Variants in SGCE observed in about 807,000 individuals in gnomAD.
SGCE encodes sarcoglycan epsilon, also known as epsilon-sarcoglycan.
Under a neutral mutation model 57.8 loss-of-function variants are expected in SGCE, and 26 were observed. That is an observed-to-expected ratio of 0.45 (90% CI 0.33 to 0.62). SGCE has a LOEUF of 0.62. SGCE is among the 20% of genes least tolerant of loss of function. The pLI, the probability that SGCE is intolerant of heterozygous loss-of-function variation, is 0.02. For missense variants in SGCE, 468 were observed against 548.6 expected, an observed-to-expected ratio of 0.85 and a Z score of 1.47; for synonymous variants, 183 against 189.5, an observed-to-expected ratio of 0.97 and a Z score of 0.28.
intron 9 of SGCE, among the ~76,000 whole-genome samples, chr7:94,595,093 T>C (rs1420595385): frequency 6.6e-6 from 1 of 152,284 alleles, no homozygotes; most frequent in East Asian, 1.9e-4. Flanking sequence ...AATTTAACTT[T>C]GTCTCTTATC....
chr7:94,648,053 G>A lies in SGCE; in HGVS notation c.109+7937C>T, dbSNP rs544083340. On this transcript the variant is annotated intron_variant, in intron 1 of 10. Transcript: ENST00000648936. Reference sequence around the variant, plus strand: ...CATCCAGCATGGGGTCTCAAAACTAGTCAACACTCAAAAAAATGAATGAAT... The same window carrying A: ...CATCCAGCATGGGGTCTCAAAACTAATCAACACTCAAAAAAATGAATGAAT... Among the ~76,000 whole-genome samples, 7 of 152,094 alleles carry A rather than the reference G, an allele frequency of 4.6e-5. No homozygotes were observed. The East Asian group carries it at 1.2e-3, about 25-fold the overall frequency.
intron 3 of SGCE, chr7:94,626,994 T>G (rs964306641): frequency 5.3e-5 from 8 of 152,082 alleles, no homozygotes; most frequent in Non-Finnish European, 1.2e-4. Flanking sequence ...GAATTGCATT[T>G]ATATATTTCT....
At chr7:94,609,530 T>TA (rs1378553041) in intron 5 of SGCE, among the ~76,000 whole-genome samples, 2 of 152,132 alleles carry the variant, frequency 1.3e-5, no homozygotes, top group African/African-American at 4.8e-5. Context: ...AGACTCTGTC[T>TA]AAAAAACAAC....
At chr7:94,632,053 C>T (rs1249478425) in intron 1 of SGCE, among the ~76,000 whole-genome samples, 2 of 151,934 alleles carry the variant, frequency 1.3e-5, no homozygotes, top group Non-Finnish European at 2.9e-5. Context: ...CAGAGGTAAA[C>T]ACAAGTTTCC....
At chr7:94,616,272 T>C (rs1801924771) in intron 5 of SGCE, among the ~76,000 whole-genome samples, 4 of 152,124 alleles carry the variant, frequency 2.6e-5, no homozygotes, top group Non-Finnish European at 5.9e-5. Flanking sequence ...TGACTATACA[T>C]ATGAAATATG....
chr7:94,651,035 T>C (rs1163467356), intron 1 of SGCE, among the ~76,000 whole-genome samples: 1 of 152,208 alleles, frequency 6.6e-6, no homozygotes, highest in Non-Finnish European at 1.5e-5. Context: ...AGGGTACTAT[T>C]AATTTTTGTG....
At chr7:94,596,560 A>G (rs1301441750) in intron 9 of SGCE, among the ~76,000 whole-genome samples, 3 of 152,156 alleles carry the variant, frequency 2.0e-5, no homozygotes, top group African/African-American at 7.2e-5. Context: ...AAGTGTATCA[A>G]CACACTAAGG....
intron 5 of SGCE, among the ~76,000 whole-genome samples, chr7:94,608,830 T>C (rs1800560825): frequency 6.6e-6 from 1 of 152,212 alleles, no homozygotes; most frequent in Non-Finnish European, 1.5e-5. Flanking sequence ...GGAAAGACAG[T>C]CTTTTGAACA....
intron 1 of SGCE, among the ~76,000 whole-genome samples, chr7:94,651,637 T>C (rs1807881229): frequency 6.6e-6 from 1 of 152,134 alleles, no homozygotes; most frequent in African/African-American, 2.4e-5. Flanking sequence ...TATACAAATA[T>C]TTATGTACAC....
intron 1 of SGCE, among the ~76,000 whole-genome samples, chr7:94,646,498 T>G (rs944207570): frequency 1.3e-5 from 2 of 152,168 alleles, no homozygotes; most frequent in African/African-American, 4.8e-5. Context: ...CAGTGGAAAC[T>G]TTAACAAAAA....
At chr7:94,588,465 G>A in intron 10 of SGCE, 1 of 1,356,024 alleles carries the variant, frequency 7.4e-7, no homozygotes, top group Non-Finnish European at 9.5e-7. Flanking sequence ...GACCTCCATG[G>A]ATGCTTTTGC....
At chr7:94,603,244 C>T (rs767128300) in intron 6 of SGCE, 46 bp downstream of exon 6, 1 of 1,493,318 alleles carries the variant, frequency 6.7e-7, no homozygotes, top group Admixed American at 1.7e-5. Context: ...TTAACTCCAG[C>T]CACATTATTT....
chr7:94,589,083 A>C (rs897346142), intron 9 of SGCE: 1 of 321,902 alleles, frequency 3.1e-6, no homozygotes, highest in Non-Finnish European at 6.0e-6. Context: ...AAAGATGTGA[A>C]CACAGTGGCT....
At position 94,655,999 on chromosome 7, in the gene SGCE, A is replaced by G. The variant is rs1257497233; in HGVS notation, c.100T>C (p.Leu34=). The change falls in exon 1 of 11, where the codon TTG becomes CTG. Residue 34 remains leucine, a synonymous_variant. Transcript: ENST00000648936. ...CGCGCAGGCCACTAACCTGTCAGCA[A>G]GAATGTGCCAGTGGTCGCGGGGCTC... ...RMSPATTGTF[L]LTVYSIFSKV... 4 of 1,606,324 alleles carry G rather than the reference A, an allele frequency of 2.5e-6. No individual in the cohort carries two copies. In the South Asian group the frequency reaches 4.4e-5, roughly 18 times the overall value.
At position 94,651,101 on chromosome 7, in the gene SGCE, C is replaced by T. The variant is rs139755673; in HGVS notation, c.109+4889G>A. ...TAACTAATTTTTTTTTCTTTTGCAA[C>T]CATATCATGCCACTGGTTCATAATA... On this transcript the variant is annotated intron_variant, in intron 1 of 10. Transcript: ENST00000648936. Among the ~76,000 whole-genome samples, 7 of 152,164 alleles carry T rather than the reference C, an allele frequency of 4.6e-5. No individual in the cohort carries two copies. In the East Asian group the frequency reaches 1.4e-3, roughly 29 times the overall value.
chr7:94,585,313 C>A lies in SGCE; in HGVS notation c.*186G>T. On this transcript the variant is annotated 3_prime_UTR_variant, in exon 11 of 11. Coordinates refer to ENST00000648936, the MANE Select transcript of SGCE (RefSeq NM_003919.3). The stretch of plus-strand genomic sequence containing the variant: ...AATGTTTTACAAATTGTCAAAAATG[C>A]TTTAAGTACAAAAAAATACATTAGT... The A allele has an allele frequency of 2.0e-6, 1 of 512,442 alleles. No homozygotes were observed. Among genetic ancestry groups the A allele is most frequent in the African/African-American group, 1.9e-5 (1 of 52,966 alleles). The allele number at this position is 512,442 out of a possible 1,614,324, so 31.7% of individuals were successfully genotyped here.
chr7:94,607,881 C>T (rs945158462), intron 5 of SGCE, among the ~76,000 whole-genome samples: 3 of 152,182 alleles, frequency 2.0e-5, no homozygotes, highest in Non-Finnish European at 4.4e-5. Flanking sequence ...TGATTAAAAA[C>T]TCCTAAAACT....
chr7:94,634,513 A>T (rs1336398331), intron 1 of SGCE, among the ~76,000 whole-genome samples: 3 of 152,146 alleles, frequency 2.0e-5, no homozygotes, highest in Non-Finnish European at 4.4e-5. Flanking sequence ...CATTGCTATC[A>T]GTATGTTTCC....
At chr7:94,632,280 T>C (rs1584714059) in intron 1 of SGCE, among the ~76,000 whole-genome samples, 1 of 151,988 alleles carries the variant, frequency 6.6e-6, no homozygotes, top group East Asian at 1.9e-4. Context: ...AGTGGAACCA[T>C]TAAAGAAAGG....
Sources: gnomAD v4.1 joint callset for allele counts (sites outside exome capture counted in the v4.1 genomes callset) on GRCh38, gnomAD v4.1.1 for gene constraint, MANE v1.5 for transcripts, NCBI Gene and HGNC (gene_info 2026-07-23, HGNC 2026-07-21) for gene names.